The following SLC14A2 variants were observed in gnomAD, a reference collection of about 807,000 sequenced individuals.
SLC14A2 encodes the protein solute carrier family 14 member 2.
SLC14A2 carries 91 observed loss-of-function variants against 104.6 expected under a neutral mutation model. The observed-to-expected ratio is 0.87, with a 90% CI of 0.73 to 1.04. The LOEUF (loss-of-function observed/expected upper bound fraction) is 1.04. Ranked by LOEUF, SLC14A2 falls within the 50% of genes least tolerant of loss-of-function variation. SLC14A2 has a pLI of 0.00. For synonymous variants in SLC14A2, 476 were observed against 466.4 expected, an observed-to-expected ratio of 1.02 and a Z score of -0.27; for missense variants, 1,189 against 1,156.0, an observed-to-expected ratio of 1.03 and a Z score of -0.41.
chr18:45,645,619 A>ATATATATATT, intron 10 of SLC14A2, among the ~76,000 whole-genome samples: 1 of 117,038 alleles, frequency 8.5e-6, no homozygotes, highest in African/African-American at 3.6e-5. Context: ...TTAAATATAT[A>ATATATATATT]TATACATATA....
At chr18:45,620,952 A>C (rs1279589298) in intron 1 of SLC14A2, among the ~76,000 whole-genome samples, 1 of 152,258 alleles carries the variant, frequency 6.6e-6, no homozygotes, top group Non-Finnish European at 1.5e-5. Context: ...CTTTATCATT[A>C]CCACTTTTCA....
chr18:45,286,141 C>G (rs1286370374), intron 1 of SLC14A2, among the ~76,000 whole-genome samples: 2 of 152,216 alleles, frequency 1.3e-5, no homozygotes, highest in Admixed American at 1.3e-4. Context: ...ATCAGGTGCT[C>G]TTCCAAGACT....
chr18:45,367,239 C>T (rs979124081), intron 1 of SLC14A2, among the ~76,000 whole-genome samples: 10 of 152,120 alleles, frequency 6.6e-5, no homozygotes, highest in Admixed American at 6.5e-4. Context: ...GGGAAAAAGA[C>T]TTGACCAAAG....
Position 45,225,483 on chromosome 18 carries a change from T to C in SLC14A2, c.-125+12292T>C, listed in dbSNP as rs544416399. Among the ~76,000 whole-genome samples the C allele has an allele frequency of 1.3e-5, 2 of 152,336 alleles. 1 individual carries two copies. Among genetic ancestry groups the C allele is most frequent in the East Asian group, 3.9e-4 (2 of 5,192 alleles). On this transcript the variant is annotated intron_variant, in intron 1 of 20. Coordinates refer to the SLC14A2 transcript ENST00000586448. ...TTGTCTTGGCAATGTGGGCTCATTT[T>C]TGGTTCCATATGAACTTTAAGGTAG...
chr18:45,394,778 G>T (rs1312444706), intron 1 of SLC14A2, among the ~76,000 whole-genome samples: 1 of 152,046 alleles, frequency 6.6e-6, no homozygotes, highest in Admixed American at 6.6e-5. Flanking sequence ...CAGATATATG[G>T]TTTGCAAATA....
At chr18:45,617,103 AG>A (rs1453185326) in intron 1 of SLC14A2, among the ~76,000 whole-genome samples, 2 of 152,158 alleles carry the variant, frequency 1.3e-5, no homozygotes, top group African/African-American at 2.4e-5. Context: ...TCTAAAACAA[AG>A]AAAAAAGTGT....
At chr18:45,319,735 A>C (rs2085166257) in intron 1 of SLC14A2, among the ~76,000 whole-genome samples, 1 of 152,220 alleles carries the variant, frequency 6.6e-6, no homozygotes, top group Non-Finnish European at 1.5e-5. Context: ...CTTGATCTGC[A>C]GTTGTCCAGA....
intron 16 of SLC14A2, 33 bp from the exon 17 acceptor site, chr18:45,672,867 C>T (rs747225158): frequency 3.1e-6 from 5 of 1,596,242 alleles, no homozygotes; most frequent in East Asian, 4.5e-5. Context: ...CTTTTGCCTC[C>T]ATAATGAGCA....
intron 2 of SLC14A2, among the ~76,000 whole-genome samples, chr18:45,549,620 A>G (rs925528527): frequency 6.6e-6 from 1 of 152,246 alleles, no homozygotes; most frequent in African/African-American, 2.4e-5. Flanking sequence ...ATGTGGAGGC[A>G]AAAATGCTAG....
intron 1 of SLC14A2, among the ~76,000 whole-genome samples, chr18:45,275,664 G>C (rs2084694643): frequency 6.6e-6 from 1 of 152,190 alleles, no homozygotes; most frequent in South Asian, 2.1e-4. Context: ...CTCCAAAAAA[G>C]TGACTTCCCC....
chr18:45,236,754 A>T (rs953448207), intron 1 of SLC14A2, among the ~76,000 whole-genome samples: 1 of 151,950 alleles, frequency 6.6e-6, no homozygotes, highest in Non-Finnish European at 1.5e-5. Context: ...AAACATTGTG[A>T]TTTCCTTTCC....
rs529797003 is a variant in SLC14A2 at position 45,221,714 on chromosome 18, T to A, written c.-125+8523T>A. ...ACGTGAGAAGTACCCTGAATAGGGA[T>A]CTCATGTAACCTTCAACAGAAAACA... On this transcript the variant is annotated intron_variant, in intron 1 of 20. Coordinates refer to the SLC14A2 transcript ENST00000586448. 5.3e-5 allele frequency among the ~76,000 whole-genome samples: 8 copies of A among 152,168 alleles called. No individual in the cohort carries two copies. In the South Asian group the frequency reaches 1.7e-3, roughly 32 times the overall value.
chr18:45,462,304 A>G (rs2087059874), intron 1 of SLC14A2, among the ~76,000 whole-genome samples: 1 of 152,202 alleles, frequency 6.6e-6, no homozygotes, highest in Admixed American at 6.5e-5. Context: ...AAAGGCATAG[A>G]CTTTTAGAGC....
chr18:45,195,415 TAA>T, the SLC14A2 span, among the ~76,000 whole-genome samples: 1 of 152,068 alleles, frequency 6.6e-6, no homozygotes, highest in South Asian at 2.1e-4. Context: ...TCTTTGAGAC[TAA>T]GTCTTGCTCT....
intron 16 of SLC14A2, among the ~76,000 whole-genome samples, chr18:45,670,189 T>G (rs201657185): frequency 0.33 from 50,665 of 151,894 alleles, 9,556 homozygotes; most frequent in Middle Eastern, 0.47. Flanking sequence ...AACTCAGGGC[T>G]TTTTCTACTA....
the SLC14A2 span, among the ~76,000 whole-genome samples, chr18:45,201,334 G>A: frequency 6.6e-6 from 1 of 152,108 alleles, no homozygotes; most frequent in African/African-American, 2.4e-5. Context: ...CTTGAGGGCT[G>A]AGTATCCACA....
chr18:45,542,738 T>C (rs750422060), intron 2 of SLC14A2, among the ~76,000 whole-genome samples: 5 of 152,096 alleles, frequency 3.3e-5, no homozygotes, highest in South Asian at 2.1e-4. Flanking sequence ...GGAGAGTCTA[T>C]AGCAAAAGGG....
chr18:45,299,784 A>G (rs2144187792), intron 1 of SLC14A2, among the ~76,000 whole-genome samples: 1 of 152,324 alleles, frequency 6.6e-6, no homozygotes, highest in South Asian at 2.1e-4. Flanking sequence ...TTTAAAATGC[A>G]GTTGAGGAAA....
intron 1 of SLC14A2, among the ~76,000 whole-genome samples, chr18:45,245,488 A>T (rs1345345361): frequency 6.6e-6 from 1 of 152,266 alleles, no homozygotes; most frequent in African/African-American, 2.4e-5. Context: ...ATGCAGTGTA[A>T]TTTCATCAGA....
Sources: gnomAD v4.1 joint callset for allele counts (sites outside exome capture counted in the v4.1 genomes callset) on GRCh38, gnomAD v4.1.1 for gene constraint, MANE v1.5 for transcripts, NCBI Gene and HGNC (gene_info 2026-07-23, HGNC 2026-07-21) for gene names.